Variants in OSBP2 observed in about 807,000 individuals in gnomAD.
OSBP2 encodes oxysterol-binding protein 2.
Under a neutral mutation model 96.0 loss-of-function variants are expected in OSBP2, and 66 were observed. That is an observed-to-expected ratio of 0.69 (90% CI 0.56 to 0.84). The LOEUF is 0.84. OSBP2 is among the 40% of genes least tolerant of loss of function. OSBP2 has a pLI of 0.00. For missense variants in OSBP2, 1,038 were observed against 1,222.7 expected (o/e 0.85, Z 2.25); for synonymous variants, 525 against 520.9 (o/e 1.01, Z -0.11).
At chr22:30,866,660 C>T (rs553899100) in intron 2 of OSBP2, among the ~76,000 whole-genome samples, 28 of 152,300 alleles carry the variant, frequency 1.8e-4, no homozygotes, top group African/African-American at 6.0e-4. Flanking sequence ...TCGCGTGAAC[C>T]TGGGAGGTGG....
chr22:30,756,469 C>T (rs542111677), intron 2 of OSBP2, among the ~76,000 whole-genome samples: 8 of 152,188 alleles, frequency 5.3e-5, no homozygotes, highest in East Asian at 1.9e-4. Context: ...CTGAGGTGGG[C>T]GGATCACGAG....
intron 2 of OSBP2, among the ~76,000 whole-genome samples, chr22:30,769,196 G>C (rs2090316964): frequency 6.6e-6 from 1 of 152,182 alleles, no homozygotes; most frequent in Non-Finnish European, 1.5e-5. Context: ...TTAATAAAAG[G>C]GACACAAAAT....
chr22:30,810,189 A>T (rs1202632616), intron 2 of OSBP2, among the ~76,000 whole-genome samples: 1 of 152,092 alleles, frequency 6.6e-6, no homozygotes, highest in Non-Finnish European at 1.5e-5. Flanking sequence ...GGACTGACTC[A>T]TGTCCTCAAG....
chr22:30,869,602 A>G (rs1341195840), intron 2 of OSBP2, among the ~76,000 whole-genome samples: 2 of 152,182 alleles, frequency 1.3e-5, no homozygotes, highest in Non-Finnish European at 2.9e-5. Flanking sequence ...TGGCACGATC[A>G]TGGCTCACTA....
At chr22:30,814,309 G>C (rs772443160) in intron 2 of OSBP2, among the ~76,000 whole-genome samples, 12 of 151,730 alleles carry the variant, frequency 7.9e-5, no homozygotes, top group Non-Finnish European at 2.9e-5. Flanking sequence ...GCTTGTGGAT[G>C]GCTGCTTTCT....
At position 30,830,197 on chromosome 22, in the gene OSBP2, A is replaced by G. The variant is rs147088480; in HGVS notation, c.854-40232A>G. 2.6e-4 allele frequency among the ~76,000 whole-genome samples: 39 copies of G among 152,372 alleles called. No homozygotes were observed. The East Asian group carries it at 7.1e-3, about 28-fold the overall frequency. ...CAGCATCTGATCAAATAGATGAGCAATATGAATAAAAATGAAGTTATGGGC... is the reference window on the plus strand; with the variant it reads ...CAGCATCTGATCAAATAGATGAGCAGTATGAATAAAAATGAAGTTATGGGC... On this transcript the variant is annotated intron_variant, in intron 2 of 13. Coordinates refer to ENST00000332585, the MANE Select transcript of OSBP2 (RefSeq NM_030758.4).
chr22:30,893,730 G>A lies in OSBP2; in HGVS notation c.2187G>A (p.Arg729=). Reference sequence around the variant, plus strand: ...GCTACTTCTCCAAAGAGGCAGCCCGGAAGGTAAGCAGGACCAGCCACCTCT... The same window carrying A: ...GCTACTTCTCCAAAGAGGCAGCCCGAAAGGTAAGCAGGACCAGCCACCTCT... ...PYSYFSKEAA[R]KVTGVVSDSQ... is the part of the protein sequence containing the mutation. The change falls in exon 11 of 14, where the codon CGG becomes CGA. Residue 729 remains arginine, a synonymous_variant. Transcript: ENST00000332585. 3.1e-6 allele frequency: 5 copies of A among 1,614,086 alleles called. No individual in the cohort carries two copies. Among genetic ancestry groups the A allele is most frequent in the Middle Eastern group, 1.6e-4 (1 of 6,062 alleles).
intron 1 of OSBP2, among the ~76,000 whole-genome samples, chr22:30,706,203 A>G (rs2089250851): frequency 6.6e-6 from 1 of 152,174 alleles, no homozygotes; most frequent in African/African-American, 2.4e-5. Flanking sequence ...AGCAGGTGTC[A>G]CCACACGGAG....
chr22:30,894,077 G>A, intron 12 of OSBP2, 76 bp downstream of exon 12: 1 of 1,340,924 alleles, frequency 7.5e-7, no homozygotes, highest in Non-Finnish European at 1.0e-6. Flanking sequence ...GCAACTGACA[G>A]GCACAGGAGG....
intron 12 of OSBP2, among the ~76,000 whole-genome samples, chr22:30,895,479 A>G (rs1405086185): frequency 6.6e-6 from 1 of 152,242 alleles, no homozygotes; most frequent in East Asian, 1.9e-4. Context: ...AGTCAAGGAT[A>G]AAGAATTAGA....
intron 1 of OSBP2, among the ~76,000 whole-genome samples, chr22:30,700,987 C>T (rs528008436): frequency 5.3e-4 from 80 of 151,410 alleles, no homozygotes; most frequent in African/African-American, 1.9e-3. Flanking sequence ...CCCAGCTACT[C>T]GGGAGGCTGA....
At chr22:30,846,291 C>A (rs150630960) in intron 2 of OSBP2, among the ~76,000 whole-genome samples, 2,766 of 152,102 alleles carry the variant, frequency 0.018, 74 homozygotes, top group African/African-American at 0.06. Context: ...AGATTACAGG[C>A]ATGCACCACC....
At position 30,870,341 on chromosome 22, in the gene OSBP2, C is replaced by T. The variant is rs1182772669; in HGVS notation, c.854-88C>T. The T allele has an allele frequency of 2.2e-6, 3 of 1,367,702 alleles. No individual in the cohort carries two copies. Among genetic ancestry groups the T allele is most frequent in the Admixed American group, 1.8e-5 (1 of 54,346 alleles). The allele number at this position is 1,367,702 out of a possible 1,614,324, so 84.7% of individuals were successfully genotyped here. On this transcript the variant is annotated intron_variant, in intron 2 of 13. Coordinates refer to ENST00000332585, the MANE Select transcript of OSBP2 (RefSeq NM_030758.4). This position sits in a 1 kb window ranked among gnomAD's most constrained non-coding sequence, Gnocchi z 4.1. ...ACTGATGTTTTTTGAATGGCGCTAT[C>T]CACCCTGCCCTGCTCGGCCTGGCTG... is the stretch of plus-strand genomic sequence containing the variant.
chr22:30,824,297 G>A (rs1327446649), intron 2 of OSBP2, among the ~76,000 whole-genome samples: 2 of 152,178 alleles, frequency 1.3e-5, no homozygotes, highest in Non-Finnish European at 2.9e-5. Flanking sequence ...ACTGTGCTTA[G>A]AACAGGGCCT....
chr22:30,869,183 G>A lies in OSBP2; in HGVS notation c.854-1246G>A, dbSNP rs573326619. On this transcript the variant is annotated intron_variant, in intron 2 of 13. Transcript: ENST00000332585. ...TGGGCTGGCAGGAAAGGGGCCCTGG[G>A]CAGCTGCGTGAGAGAGAGGTAAGAG... Among the ~76,000 whole-genome samples, 164 of 152,322 alleles carry A rather than the reference G, an allele frequency of 1.1e-3. 1 individual carries two copies. Among genetic ancestry groups the A allele is most frequent in the African/African-American group, 3.7e-3 (153 of 41,578 alleles).
chr22:30,776,368 G>A (rs2090436668), intron 2 of OSBP2, among the ~76,000 whole-genome samples: 1 of 151,976 alleles, frequency 6.6e-6, no homozygotes, highest in African/African-American at 2.4e-5. Flanking sequence ...CAATCGATCT[G>A]CCCGCCCCTG....
intron 2 of OSBP2, among the ~76,000 whole-genome samples, chr22:30,763,105 C>A (rs1449859352): frequency 6.6e-6 from 1 of 152,154 alleles, no homozygotes; most frequent in Non-Finnish European, 1.5e-5. Context: ...ATGATAGAAC[C>A]AACTCTTAGA....
intron 3 of OSBP2, among the ~76,000 whole-genome samples, chr22:30,882,538 G>A (rs184399217): frequency 6.6e-6 from 1 of 151,368 alleles, no homozygotes; most frequent in East Asian, 1.9e-4. Context: ...CTCAGTGCTT[G>A]TAAGAATGCC....
intron 2 of OSBP2, among the ~76,000 whole-genome samples, chr22:30,762,317 AGGCG>A (rs1367656798): frequency 1.3e-5 from 2 of 152,216 alleles, no homozygotes; most frequent in Admixed American, 1.3e-4. Flanking sequence ...TGGGAGGCCA[AGGCG>A]GGTGGACCAC....
Sources: gnomAD v4.1 joint callset for allele counts (sites outside exome capture counted in the v4.1 genomes callset) on GRCh38, gnomAD v4.1.1 for gene constraint, Gnocchi (gnomAD v3.1) non-coding constraint, MANE v1.5 for transcripts, NCBI Gene and HGNC (gene_info 2026-07-23, HGNC 2026-07-21) for gene names.